The following PCDHA4 variants were observed in gnomAD, a reference collection of about 807,000 sequenced individuals.
The protein encoded by PCDHA4 is protocadherin alpha 4.
A neutral mutation model predicts 61.4 loss-of-function variants in PCDHA4; 49 were observed. The observed-to-expected ratio is 0.80, with a 90% CI of 0.63 to 1.01. The LOEUF (loss-of-function observed/expected upper bound fraction) is 1.01, where lower values mean the gene tolerates loss of function less well. Among genes scored for constraint, PCDHA4 ranks in the 50% least tolerant of loss-of-function variants. PCDHA4 has a pLI of 0.00. For synonymous variants in PCDHA4, 590 were observed against 550.3 expected (o/e 1.07, Z -1.01); for missense variants, 1,254 against 1,235.8 (o/e 1.01, Z -0.22).
chr5:140,887,835 C>A (rs2061600577), intron 1 of PCDHA4, among the ~76,000 whole-genome samples: 1 of 152,106 alleles, frequency 6.6e-6, no homozygotes, highest in Admixed American at 6.6e-5. Context: ...TTTTGAATAT[C>A]TTTTATTGAC....
At chr5:140,976,454 G>A (rs550788004) in intron 1 of PCDHA4, among the ~76,000 whole-genome samples, 18 of 152,214 alleles carry the variant, frequency 1.2e-4, no homozygotes, top group South Asian at 2.1e-4. Flanking sequence ...GGGAGGCTGG[G>A]GAAGAAGAAT....
intron 1 of PCDHA4, chr5:140,837,064 G>A: frequency 5.4e-6 from 1 of 186,332 alleles, no homozygotes; most frequent in Non-Finnish European, 1.1e-5. Context: ...TCCATATTTT[G>A]ATAATCAATA....
intron 1 of PCDHA4, chr5:140,858,828 A>G (rs546423783): frequency 8.8e-5 from 29 of 330,376 alleles, no homozygotes; most frequent in Middle Eastern, 1.8e-3. Flanking sequence ...TATTTGCATT[A>G]CCAAAAAATT....
Position 140,861,540 on chromosome 5 carries a change from C to T in PCDHA4, c.2385+51968C>T, listed in dbSNP as rs78647999. On this transcript the variant is annotated intron_variant, in intron 1 of 3. Coordinates refer to ENST00000530339, the MANE Select transcript of PCDHA4 (RefSeq NM_018907.4). ...TGGGAGGATCTCGGAGTGCAGCATC[C>T]ACCTGGAAGTGATCGTGGACAAGCT... is the stretch of plus-strand genomic sequence containing the variant. 502 of 425,826 alleles carry T rather than the reference C, an allele frequency of 1.2e-3. 2 individuals are homozygous for T. The highest frequency in any genetic ancestry group is 9.5e-3 in the African/African-American group (465 of 48,884). 26.4% of individuals were successfully genotyped at this position (425,826 alleles called of 1,614,324 possible).
At chr5:140,870,564 G>C (rs782511789) in intron 1 of PCDHA4, 83 of 1,613,882 alleles carry the variant, frequency 5.1e-5, no homozygotes, top group Admixed American at 3.3e-4. Context: ...AGGAGAACGC[G>C]CTGGTGTCCT....
intron 1 of PCDHA4, chr5:140,829,317 T>A (rs1327527947): frequency 6.2e-7 from 1 of 1,614,134 alleles, no homozygotes; most frequent in East Asian, 2.2e-5. Context: ...TCGTTGGTGC[T>A]GGACAGTGCC....
At chr5:140,852,920 C>T (rs1481418801) in intron 1 of PCDHA4, 1 of 758,850 alleles carries the variant, frequency 1.3e-6, no homozygotes, top group African/African-American at 1.9e-5. Context: ...GCTCTGTTGC[C>T]CAGGCTGGAG....
intron 1 of PCDHA4, among the ~76,000 whole-genome samples, chr5:140,951,377 G>T (rs2094577141): frequency 6.6e-6 from 1 of 152,070 alleles, no homozygotes; most frequent in Non-Finnish European, 1.5e-5. Context: ...AAACACCCAA[G>T]ACTCGGTAAT....
At chr5:140,906,518 A>G (rs377287696) in intron 1 of PCDHA4, among the ~76,000 whole-genome samples, 161 of 152,358 alleles carry the variant, frequency 1.1e-3, no homozygotes, top group African/African-American at 3.7e-3. Flanking sequence ...AGGAGGAAAT[A>G]CTCACGACAA....
At chr5:140,843,925 C>T in intron 1 of PCDHA4, 4 of 594,474 alleles carry the variant, frequency 6.7e-6, no homozygotes, top group Non-Finnish European at 8.8e-6. Context: ...TCTTGAAACT[C>T]AAGTTATGGT....
chr5:140,995,434 A>G (rs146744164), intron 3 of PCDHA4, among the ~76,000 whole-genome samples: 4 of 152,320 alleles, frequency 2.6e-5, no homozygotes, highest in African/African-American at 7.2e-5. Context: ...ACAGCTTGCA[A>G]TTTAAAACTT....
chr5:141,010,869 A>T lies in PCDHA4; in HGVS notation c.*932A>T, dbSNP rs1434984330. The T allele has an allele frequency of 1.3e-5, 2 of 153,786 alleles. No individual in the cohort carries two copies. Among genetic ancestry groups the T allele is most frequent in the African/African-American group, 4.8e-5 (2 of 41,464 alleles). The allele number at this position is 153,786 out of a possible 1,614,324, so 9.5% of individuals were successfully genotyped here. On this transcript the variant is annotated 3_prime_UTR_variant, in exon 4 of 4. Coordinates refer to ENST00000530339, the MANE Select transcript of PCDHA4 (RefSeq NM_018907.4). Reference sequence around the variant, plus strand: ...AAAAAAAGAGAAAGTCTATAGCTATAAATCTTTAAAGAGAAATATGAATAC... The same window carrying T: ...AAAAAAAGAGAAAGTCTATAGCTATTAATCTTTAAAGAGAAATATGAATAC...
chr5:140,947,778 G>A (rs2094175732), intron 1 of PCDHA4, among the ~76,000 whole-genome samples: 2 of 151,456 alleles, frequency 1.3e-5, no homozygotes, highest in South Asian at 4.1e-4. Context: ...TATTGTAAAT[G>A]GATTTTAAAC....
At chr5:140,847,344 C>T (rs1478232751) in intron 1 of PCDHA4, 1 of 149,742 alleles carries the variant, frequency 6.7e-6, no homozygotes, top group African/African-American at 2.4e-5. Context: ...ACCTCTTAGG[C>T]TGTTATCAGT....
At chr5:140,836,139 G>T (rs2150253761) in intron 1 of PCDHA4, 1 of 1,613,778 alleles carries the variant, frequency 6.2e-7, no homozygotes, top group Middle Eastern at 1.6e-4. Context: ...GCGGTCTGTG[G>T]GCGCGGGCCA....
chr5:140,903,647 T>A (rs1583499959), intron 1 of PCDHA4, among the ~76,000 whole-genome samples: 1 of 152,228 alleles, frequency 6.6e-6, no homozygotes, highest in East Asian at 1.9e-4. Flanking sequence ...ACCATATACA[T>A]ATATTATAAA....
In PCDHA4 at chr5:140,877,706, T is replaced by C. The variant is rs142399025; in HGVS notation, c.2385+68134T>C. On this transcript the variant is annotated intron_variant, in intron 1 of 3. Coordinates refer to ENST00000530339, the MANE Select transcript of PCDHA4 (RefSeq NM_018907.4). ...CCCACGCTGGTGTGCTCCAGCGCCG[T>C]GGGGAGTTGGTCTTACTCGCAGCAG... is the stretch of plus-strand genomic sequence containing the variant. The C allele has an allele frequency of 5.8e-4, 943 of 1,613,918 alleles. 7 individuals carry two copies. In the African/African-American group the frequency reaches 0.011, roughly 19 times the overall value.
intron 1 of PCDHA4, among the ~76,000 whole-genome samples, chr5:140,952,473 A>C (rs1262702527): frequency 6.6e-6 from 1 of 152,210 alleles, no homozygotes; most frequent in Non-Finnish European, 1.5e-5. Flanking sequence ...GCATAAGGAA[A>C]GTGACATTTG....
Position 140,830,132 on chromosome 5 carries a change from C to T in PCDHA4, c.2385+20560C>T, listed in dbSNP as rs116757950. The T allele has an allele frequency of 1.9e-3, 3,075 of 1,613,350 alleles. 56 individuals carry two copies. In the African/African-American group the frequency reaches 0.036, roughly 19 times the overall value. On this transcript the variant is annotated intron_variant, in intron 1 of 3. Coordinates refer to ENST00000530339, the MANE Select transcript of PCDHA4 (RefSeq NM_018907.4). ...TGGCCAGGCTCCAAAGGCGTCATCACGGGCGTCGGTGGGCGCCGCGGGCCC... is the reference window on the plus strand; with the variant it reads ...TGGCCAGGCTCCAAAGGCGTCATCATGGGCGTCGGTGGGCGCCGCGGGCCC...
Sources: allele counts gnomAD v4.1 joint callset (sites outside exome capture counted in the v4.1 genomes callset), GRCh38; gene constraint gnomAD v4.1.1; transcripts MANE v1.5; gene names NCBI Gene and HGNC (gene_info 2026-07-23, HGNC 2026-07-21).